RYR2: variants seen among roughly 807,000 people sequenced by gnomAD.
The protein encoded by RYR2 is cardiac muscle ryanodine receptor-calcium release channel.
In RYR2, 227 loss-of-function variants were observed where a neutral mutation model predicts 601.1. The ratio of observed to expected loss-of-function variants is 0.38; its 90% CI spans 0.34 to 0.42. The LOEUF (loss-of-function observed/expected upper bound fraction) is 0.42. RYR2 is among the 10% of genes least tolerant of loss of function. The probability of loss-of-function intolerance (pLI) is 1.00; values close to 1 mark genes in which losing one functional copy is unlikely to be tolerated. For missense variants in RYR2, 4,646 were observed against 6,156.5 expected (o/e 0.75, Z 8.21); for synonymous variants, 2,223 against 2,175.1 (o/e 1.02, Z -0.61).
chr1:237,617,356 C>A lies in RYR2; in HGVS notation c.5786C>A (p.Ser1929Ter). ...RHRIEAIVAF[S>*]DDFVAKLQDN... is the part of the protein sequence containing the mutation. ...CGGATAGAAGCCATTGTAGCCTTTT[C>A]AGATGATTTTGTGGCTAAGCTCCAA... The change falls in exon 38 of 105, where the codon TCA (serine) becomes TAA (stop). Residue 1929 changes from serine to a stop codon, truncating the protein, a stop_gained. Transcript: ENST00000366574. LOFTEE classifies it high-confidence loss of function. The A allele has an allele frequency of 6.2e-7, 1 of 1,613,922 alleles. No homozygotes were observed. Among genetic ancestry groups the A allele is most frequent in the Admixed American group, 1.7e-5 (1 of 60,018 alleles).
chr1:237,782,178 C>CTTTT (rs35521596), intron 89 of RYR2, among the ~76,000 whole-genome samples: 7 of 119,148 alleles, frequency 5.9e-5, no homozygotes, highest in East Asian at 2.6e-4. Context: ...TTTGTTATTG[C>CTTTT]TTTTTTTTTT....
At chr1:237,273,728 A>G (rs1273692541) in intron 2 of RYR2, among the ~76,000 whole-genome samples, 2 of 151,698 alleles carry the variant, frequency 1.3e-5, no homozygotes, top group Non-Finnish European at 2.9e-5. Flanking sequence ...GCTATTTGCA[A>G]TATTGGTCAT....
At chr1:237,202,494 A>T (rs688983) in intron 1 of RYR2, among the ~76,000 whole-genome samples, 2 of 152,102 alleles carry the variant, frequency 1.3e-5, no homozygotes, top group African/African-American at 4.8e-5. Context: ...TGCAACCTCC[A>T]CCTCCTGGCT....
intron 62 of RYR2, among the ~76,000 whole-genome samples, chr1:237,684,661 G>A (rs1047385099): frequency 6.6e-6 from 1 of 152,092 alleles, no homozygotes; most frequent in East Asian, 1.9e-4. Flanking sequence ...CGGAGTATAA[G>A]GTACCCGCAG....
intron 1 of RYR2, among the ~76,000 whole-genome samples, chr1:237,138,716 C>T (rs1673070224): frequency 6.6e-6 from 1 of 152,222 alleles, no homozygotes; most frequent in Non-Finnish European, 1.5e-5. Context: ...CATTTGGAAT[C>T]TGGAGTCCCC....
intron 33 of RYR2, among the ~76,000 whole-genome samples, chr1:237,594,908 T>TTG (rs1675691449): frequency 1.2e-5 from 1 of 81,274 alleles, no homozygotes; most frequent in African/African-American, 3.5e-5. Context: ...TTTTTTTTTT[T>TTG]TTTTTTTTTT....
intron 84 of RYR2, among the ~76,000 whole-genome samples, chr1:237,767,002 C>T (rs1693896397): frequency 6.6e-6 from 1 of 151,684 alleles, no homozygotes; most frequent in Non-Finnish European, 1.5e-5. Flanking sequence ...TGACCTAAGG[C>T]TTCACATTTA....
At chr1:237,554,820 G>A (rs1354651505) in intron 27 of RYR2, among the ~76,000 whole-genome samples, 1 of 151,988 alleles carries the variant, frequency 6.6e-6, no homozygotes, top group Non-Finnish European at 1.5e-5. Flanking sequence ...GATCTTTAAT[G>A]ATATCTCTCT....
intron 12 of RYR2, among the ~76,000 whole-genome samples, chr1:237,426,712 G>C (rs1250986095): frequency 6.6e-6 from 1 of 152,018 alleles, no homozygotes; most frequent in Non-Finnish European, 1.5e-5. Context: ...ACATGAACCG[G>C]TACATCACAG....
chr1:237,532,848 C>A (rs746689397), intron 25 of RYR2, among the ~76,000 whole-genome samples: 1 of 152,116 alleles, frequency 6.6e-6, no homozygotes, highest in Non-Finnish European at 1.5e-5. Context: ...ACTGACAAAA[C>A]AATCAGCTAA....
intron 1 of RYR2, among the ~76,000 whole-genome samples, chr1:237,188,870 CT>C (rs893891782): frequency 6.6e-6 from 1 of 152,062 alleles, no homozygotes; most frequent in African/African-American, 2.4e-5. Flanking sequence ...TTTATTTTGT[CT>C]TCTTGTTTTT....
rs560575743 is a variant in RYR2 at position 237,658,535 on chromosome 1, G to A, written c.8208+513G>A. On this transcript the variant is annotated intron_variant, in intron 54 of 104. Coordinates refer to ENST00000366574, the MANE Select transcript of RYR2 (RefSeq NM_001035.3). ...ACCGCCTGAGTAGTTGGGACTACAG[G>A]TGCACACCACCATACCTTGCTAATT... Among the ~76,000 whole-genome samples, 9 of 152,178 alleles carry A rather than the reference G, an allele frequency of 5.9e-5. No homozygotes were observed. The South Asian group carries it at 1.7e-3, about 28-fold the overall frequency.
intron 1 of RYR2, among the ~76,000 whole-genome samples, chr1:237,115,366 C>T (rs529841772): frequency 5.3e-4 from 81 of 152,252 alleles, no homozygotes; most frequent in African/African-American, 1.7e-3. Context: ...CTTCCCTCTC[C>T]GGATCCATAA....
At chr1:237,269,498 G>A (rs1442123214) in intron 1 of RYR2, among the ~76,000 whole-genome samples, 1 of 152,058 alleles carries the variant, frequency 6.6e-6, no homozygotes, top group Admixed American at 6.5e-5. Context: ...TAATTAGAAT[G>A]GTTGATGATT....
chr1:237,473,477 C>CTTTCTTTCTTCTTTCTTTCTT (rs1553464755), intron 17 of RYR2, among the ~76,000 whole-genome samples: 2 of 145,558 alleles, frequency 1.4e-5, no homozygotes, highest in African/African-American at 2.5e-5. Flanking sequence ...ATCTATCTAT[C>CTTTCTTTCTTCTTTCTTTCTT]TGGCATATAT....
rs1249683567 is a variant in RYR2 at position 237,791,501 on chromosome 1, T to G, written c.13549T>G (p.Leu4517Val). The G allele has an allele frequency of 1.3e-6, 2 of 1,541,068 alleles. No homozygotes were observed. Among genetic ancestry groups the G allele is most frequent in the East Asian group, 2.3e-5 (1 of 43,432 alleles). ...LFVAFAINFI[L>V]LFYKVSTSSV... ...TGTCGCATTTGCTATCAATTTCATC[T>G]TGCTCTTTTATAAGGTACGTACATC... Residue 4517 changes from leucine (L) to valine (V), a missense_variant, in exon 93 of 105, where the codon TTG becomes GTG. Coordinates refer to ENST00000366574, the MANE Select transcript of RYR2 (RefSeq NM_001035.3).
At chr1:237,495,470 C>G (rs539476154) in intron 19 of RYR2, among the ~76,000 whole-genome samples, 2 of 152,280 alleles carry the variant, frequency 1.3e-5, no homozygotes, top group East Asian at 3.9e-4. Flanking sequence ...GTTACCTCTG[C>G]TGAGCTAGGA....
intron 27 of RYR2, among the ~76,000 whole-genome samples, chr1:237,556,589 A>G (rs1181152314): frequency 6.6e-6 from 1 of 151,460 alleles, no homozygotes; most frequent in Non-Finnish European, 1.5e-5. Context: ...GATTACAGGC[A>G]TGAGCCACTG....
chr1:237,466,236 G>C (rs753216706), intron 16 of RYR2, among the ~76,000 whole-genome samples: 7 of 152,094 alleles, frequency 4.6e-5, no homozygotes, highest in Middle Eastern at 3.2e-3. Flanking sequence ...TGATATCATG[G>C]CTCATGGTAG....
Sources: gnomAD v4.1 joint callset for allele counts (sites outside exome capture counted in the v4.1 genomes callset) on GRCh38, gnomAD v4.1.1 for gene constraint, MANE v1.5 for transcripts, NCBI Gene and HGNC (gene_info 2026-07-23, HGNC 2026-07-21) for gene names.